DNER: variants seen among roughly 807,000 people sequenced by gnomAD.
DNER encodes the protein delta and Notch-like epidermal growth factor-related receptor.
In DNER, 33 loss-of-function variants were observed where a neutral mutation model predicts 78.2. The ratio of observed to expected loss-of-function variants is 0.42; its 90% CI spans 0.32 to 0.56. The LOEUF (loss-of-function observed/expected upper bound fraction) is 0.56, where lower values mean the gene tolerates loss of function less well. Ranked by LOEUF, DNER falls within the 20% of genes least tolerant of loss-of-function variation. DNER has a pLI of 0.11. For synonymous variants in DNER, 417 were observed against 384.8 expected, an observed-to-expected ratio of 1.08 and a Z score of -0.98; for missense variants, 918 against 975.3, an observed-to-expected ratio of 0.94 and a Z score of 0.78.
At chr2:229,693,230 C>A (rs1014083830) in intron 1 of DNER, among the ~76,000 whole-genome samples, 5 of 151,628 alleles carry the variant, frequency 3.3e-5, no homozygotes, top group Admixed American at 6.6e-5. Flanking sequence ...CTCCTTGATG[C>A]CACCATGTGA....
chr2:229,366,925 G>T lies in DNER; in HGVS notation c.2050C>A (p.Arg684Ser). ...TTGCTGAACTCGCTGTCGATGCTGC[G>T]GCAGTTGTAGAACTCCTCATAGGCT... ...RPAYEEFYNC[R>S]SIDSEFSNAI... The change falls in exon 12 of 13, where the codon CGC (arginine) becomes AGC (serine). Residue 684 changes from arginine to serine, a missense_variant. By Grantham distance (110) the Arg-to-Ser change is moderately radical. Coordinates refer to ENST00000341772, the MANE Select transcript of DNER (RefSeq NM_139072.4). The T allele has an allele frequency of 6.2e-7, 1 of 1,614,166 alleles. No homozygotes were observed. Among genetic ancestry groups the T allele is most frequent in the Non-Finnish European group, 8.5e-7 (1 of 1,180,038 alleles).
At chr2:229,651,126 G>C (rs1288713825) in intron 1 of DNER, among the ~76,000 whole-genome samples, 3 of 152,118 alleles carry the variant, frequency 2.0e-5, no homozygotes, top group African/African-American at 7.2e-5. Flanking sequence ...TGTCCCAAGG[G>C]CATCCCAGGA....
intron 7 of DNER, among the ~76,000 whole-genome samples, chr2:229,476,879 C>A (rs901220571): frequency 7.7e-6 from 1 of 130,362 alleles, no homozygotes; most frequent in Non-Finnish European, 1.8e-5. Flanking sequence ...ATTAGAGATT[C>A]TATTTTATTA....
At chr2:229,396,039 C>G (rs926473439) in intron 10 of DNER, among the ~76,000 whole-genome samples, 1 of 152,116 alleles carries the variant, frequency 6.6e-6, no homozygotes, top group East Asian at 1.9e-4. Flanking sequence ...AATTTCCTAC[C>G]TTGTTTCACC....
At chr2:229,529,019 T>C (rs1696256394) in intron 5 of DNER, among the ~76,000 whole-genome samples, 1 of 152,210 alleles carries the variant, frequency 6.6e-6, no homozygotes, top group Non-Finnish European at 1.5e-5. Flanking sequence ...GTATATGTGA[T>C]TAAATTGCAA....
At chr2:229,441,194 C>T (rs902661157) in intron 8 of DNER, among the ~76,000 whole-genome samples, 3 of 152,032 alleles carry the variant, frequency 2.0e-5, no homozygotes, top group African/African-American at 4.8e-5. Context: ...ACTTCCCCCA[C>T]GTATAAATCC....
At chr2:229,532,715 A>G (rs956710299) in intron 5 of DNER, among the ~76,000 whole-genome samples, 32 of 152,356 alleles carry the variant, frequency 2.1e-4, no homozygotes, top group African/African-American at 7.5e-4. Flanking sequence ...CTGTCTTGAA[A>G]GCTTTCAACA....
intron 8 of DNER, among the ~76,000 whole-genome samples, chr2:229,434,437 C>T (rs77926708): frequency 6.6e-6 from 1 of 152,144 alleles, no homozygotes; most frequent in Non-Finnish European, 1.5e-5. Context: ...AGGACTTCAG[C>T]TAAAGAATTT....
At chr2:229,638,083 C>T (rs1698557080) in intron 1 of DNER, among the ~76,000 whole-genome samples, 1 of 152,142 alleles carries the variant, frequency 6.6e-6, no homozygotes, top group Admixed American at 6.5e-5. Context: ...AAAACCAAAG[C>T]TAATACGAGA....
chr2:229,653,294 C>T (rs1698852502), intron 1 of DNER, among the ~76,000 whole-genome samples: 1 of 152,194 alleles, frequency 6.6e-6, no homozygotes, highest in Non-Finnish European at 1.5e-5. Flanking sequence ...GAGGCTGACA[C>T]CTCTGCTGGG....
At chr2:229,656,229 G>A (rs1446915302) in intron 1 of DNER, among the ~76,000 whole-genome samples, 1 of 152,174 alleles carries the variant, frequency 6.6e-6, no homozygotes, top group Non-Finnish European at 1.5e-5. Context: ...TGGGAAACAG[G>A]TATCATCCAC....
At chr2:229,444,973 T>G (rs1694310571) in intron 8 of DNER, among the ~76,000 whole-genome samples, 1 of 152,154 alleles carries the variant, frequency 6.6e-6, no homozygotes, top group Admixed American at 6.5e-5. Flanking sequence ...TTCTTCTTTG[T>G]GGGGCTTCAC....
chr2:229,424,128 A>C (rs1055378412), intron 8 of DNER, among the ~76,000 whole-genome samples: 2 of 152,234 alleles, frequency 1.3e-5, no homozygotes, highest in African/African-American at 2.4e-5. Flanking sequence ...AGGACCTTCC[A>C]GGTGCCCTGG....
intron 6 of DNER, among the ~76,000 whole-genome samples, chr2:229,509,580 G>A (rs959425626): frequency 4.6e-5 from 7 of 152,194 alleles, no homozygotes; most frequent in Admixed American, 1.3e-4. Context: ...TTGGGAGGCC[G>A]AGATGGGTAG....
At position 229,455,407 on chromosome 2, in the gene DNER, G is replaced by A. The variant is rs144736640; in HGVS notation, c.1262-7867C>T. On this transcript the variant is annotated intron_variant, in intron 7 of 12. Coordinates refer to ENST00000341772, the MANE Select transcript of DNER (RefSeq NM_139072.4). Reference sequence around the variant, plus strand: ...ATGTCGGATTCTTTTCCCTTTAAACGGTGGTTCTGGGGTAATCTCAAGTTG... The same window carrying A: ...ATGTCGGATTCTTTTCCCTTTAAACAGTGGTTCTGGGGTAATCTCAAGTTG... Among the ~76,000 whole-genome samples, 1,446 of 152,138 alleles carry A rather than the reference G, an allele frequency of 9.5e-3. 44 individuals are homozygous for A. The highest frequency in any genetic ancestry group is 0.033 in the African/African-American group (1,360 of 41,414).
chr2:229,434,923 T>TAC (rs750920414), intron 8 of DNER, among the ~76,000 whole-genome samples: 48 of 108,982 alleles, frequency 4.4e-4, no homozygotes, highest in African/African-American at 1.4e-3. Flanking sequence ...TATATATATA[T>TAC]ATACACACAC....
chr2:229,458,617 C>T (rs1394579474), intron 7 of DNER, among the ~76,000 whole-genome samples: 1 of 146,616 alleles, frequency 6.8e-6, no homozygotes, highest in African/African-American at 2.7e-5. Flanking sequence ...GAAGGTAACA[C>T]TTGCTGTATC....
At chr2:229,438,218 G>T (rs558014402) in intron 8 of DNER, among the ~76,000 whole-genome samples, 14 of 152,340 alleles carry the variant, frequency 9.2e-5, no homozygotes, top group Middle Eastern at 3.4e-3. Flanking sequence ...GTGCTGGGAA[G>T]TAGGAAACGT....
intron 10 of DNER, among the ~76,000 whole-genome samples, chr2:229,400,982 T>C (rs989584988): frequency 6.6e-6 from 1 of 152,028 alleles, no homozygotes; most frequent in Non-Finnish European, 1.5e-5. Context: ...TATGTAGCCT[T>C]GATGTGATGT....
Sources: gnomAD v4.1 joint callset for allele counts (sites outside exome capture counted in the v4.1 genomes callset) on GRCh38, gnomAD v4.1.1 for gene constraint, MANE v1.5 for transcripts, NCBI Gene and HGNC (gene_info 2026-07-23, HGNC 2026-07-21) for gene names.